The following IMMP2L variants were observed in gnomAD, a reference collection of about 807,000 sequenced individuals.
IMMP2L encodes mitochondrial inner membrane protease subunit 2.
In IMMP2L, 18 loss-of-function variants were observed where a neutral mutation model predicts 19.3. That is an observed-to-expected ratio of 0.93 (90% confidence interval 0.64 to 1.38). IMMP2L has a LOEUF of 1.38. Among genes scored for constraint, IMMP2L ranks in the 40% most tolerant of loss-of-function variants. The pLI, the probability that IMMP2L is intolerant of heterozygous loss-of-function variation, is 0.00. For synonymous variants in IMMP2L, 76 were observed against 73.0 expected, an observed-to-expected ratio of 1.04 and a Z score of -0.21; for missense variants, 233 against 218.2, an observed-to-expected ratio of 1.07 and a Z score of -0.43.
chr7:111,008,523 C>T (rs1824552237), intron 3 of IMMP2L, among the ~76,000 whole-genome samples: 1 of 151,964 alleles, frequency 6.6e-6, no homozygotes, highest in Non-Finnish European at 1.5e-5. Context: ...TAGCCACCTC[C>T]TATCCCTCTT....
In IMMP2L at chr7:110,924,997, T is replaced by C. The variant is rs926029683; in HGVS notation, c.306-38302A>G. 6.6e-6 allele frequency among the ~76,000 whole-genome samples: 1 copy of C among 152,136 alleles called. No homozygotes were observed. The highest frequency in any genetic ancestry group is 2.4e-5 in the African/African-American group (1 of 41,432). Reference sequence around the variant, plus strand: ...TTCATAGTTATGCATGATAAGGGAATAAAAAGGAGTATGATGAAGAAAGAT... The same window carrying C: ...TTCATAGTTATGCATGATAAGGGAACAAAAAGGAGTATGATGAAGAAAGAT... On this transcript the variant is annotated intron_variant, in intron 4 of 5. Coordinates refer to ENST00000405709, the MANE Select transcript of IMMP2L (RefSeq NM_032549.4). The surrounding 1 kb of genome is among the most constrained non-coding windows in gnomAD (Gnocchi z 4.2).
chr7:111,487,199 AT>A, intron 3 of IMMP2L, 38 bp downstream of exon 3: 1 of 923,350 alleles, frequency 1.1e-6, no homozygotes, highest in Non-Finnish European at 1.7e-6. Context: ...AGTATAAATA[AT>A]TTTATATACA....
chr7:111,209,754 G>C (rs1811114924), intron 3 of IMMP2L, among the ~76,000 whole-genome samples: 1 of 152,126 alleles, frequency 6.6e-6, no homozygotes, highest in African/African-American at 2.4e-5. Context: ...ACTCTTCTTT[G>C]TTACTCTTTA....
chr7:110,671,768 T>C (rs1333945143), intron 5 of IMMP2L, among the ~76,000 whole-genome samples: 3 of 152,074 alleles, frequency 2.0e-5, no homozygotes, highest in African/African-American at 7.2e-5. Flanking sequence ...GGGAAAGGCT[T>C]GCAAGGACAA....
intron 3 of IMMP2L, among the ~76,000 whole-genome samples, chr7:111,149,116 A>T (rs1803801663): frequency 6.6e-6 from 1 of 152,206 alleles, no homozygotes; most frequent in Non-Finnish European, 1.5e-5. Context: ...TGTTGAAGAC[A>T]TCACAAATAT....
chr7:111,202,826 A>G (rs1810291646), intron 3 of IMMP2L, among the ~76,000 whole-genome samples: 1 of 152,208 alleles, frequency 6.6e-6, no homozygotes, highest in South Asian at 2.1e-4. Context: ...GATGTTAGGA[A>G]TTTGTAGAGA....
chr7:111,421,394 C>G (rs1210989142), intron 3 of IMMP2L, among the ~76,000 whole-genome samples: 1 of 150,584 alleles, frequency 6.6e-6, no homozygotes, highest in Admixed American at 6.6e-5. Flanking sequence ...CTCAGCCTCC[C>G]GAGTAGCTGG....
At chr7:110,908,417 T>A (rs1455423170) in intron 4 of IMMP2L, among the ~76,000 whole-genome samples, 1 of 152,212 alleles carries the variant, frequency 6.6e-6, no homozygotes, top group Non-Finnish European at 1.5e-5. Context: ...AAACTCTGTA[T>A]AACAAAGTTG....
intron 5 of IMMP2L, among the ~76,000 whole-genome samples, chr7:110,695,427 A>T (rs1379281946): frequency 6.6e-6 from 1 of 152,082 alleles, no homozygotes; most frequent in Non-Finnish European, 1.5e-5. Flanking sequence ...CCTGGGCTCA[A>T]GCAATCCTCC....
intron 3 of IMMP2L, among the ~76,000 whole-genome samples, chr7:111,475,546 G>A (rs1422112123): frequency 6.6e-6 from 1 of 151,978 alleles, no homozygotes; most frequent in East Asian, 1.9e-4. Context: ...ATAGACTATG[G>A]TATCTTTATT....
At chr7:111,185,581 A>C (rs906236661) in intron 3 of IMMP2L, among the ~76,000 whole-genome samples, 1 of 152,186 alleles carries the variant, frequency 6.6e-6, no homozygotes. Context: ...TATGTAAACA[A>C]AAATTACTGA....
At chr7:110,748,286 T>C (rs1797493026) in intron 5 of IMMP2L, among the ~76,000 whole-genome samples, 1 of 152,176 alleles carries the variant, frequency 6.6e-6, no homozygotes, top group Admixed American at 6.5e-5. Flanking sequence ...TGCTCATGGA[T>C]AGGAAGAATC....
In IMMP2L at chr7:111,124,225, G is replaced by A. The variant is rs751239044; in HGVS notation, c.240-160660C>T. On this transcript the variant is annotated intron_variant, in intron 3 of 5. Transcript: ENST00000405709. The stretch of plus-strand genomic sequence containing the variant: ...TTCTGAGGGAACACTAGATATAAAT[G>A]GCGTAACTCCCAAAGAAGGGGGTTT... The A allele has an allele frequency of 1.4e-5, 22 of 1,613,818 alleles. No homozygotes were observed. The highest frequency in any genetic ancestry group is 1.9e-5 in the Non-Finnish European group (22 of 1,179,960).
intron 5 of IMMP2L, among the ~76,000 whole-genome samples, chr7:110,846,763 T>G (rs976509711): frequency 1.3e-5 from 2 of 152,182 alleles, no homozygotes; most frequent in Non-Finnish European, 2.9e-5. Context: ...AATAAGGACA[T>G]AGACATTCTT....
intron 5 of IMMP2L, among the ~76,000 whole-genome samples, chr7:110,747,787 A>G (rs1334525121): frequency 6.6e-6 from 1 of 152,220 alleles, no homozygotes; most frequent in African/African-American, 2.4e-5. Context: ...CTGACAGCCA[A>G]TATCATACTG....
At chr7:111,438,253 T>C (rs1396243740) in intron 3 of IMMP2L, among the ~76,000 whole-genome samples, 2 of 151,632 alleles carry the variant, frequency 1.3e-5, no homozygotes, top group African/African-American at 4.9e-5. Context: ...TAAAATAACA[T>C]GCTGACAGTC....
chr7:111,159,413 C>T (rs1254140110), intron 3 of IMMP2L, among the ~76,000 whole-genome samples: 1 of 152,092 alleles, frequency 6.6e-6, no homozygotes, highest in Non-Finnish European at 1.5e-5. Flanking sequence ...CACGCCTGTC[C>T]TCAGGTCGAT....
intron 3 of IMMP2L, among the ~76,000 whole-genome samples, chr7:111,061,442 C>T (rs772323303): frequency 5.9e-5 from 9 of 152,188 alleles, no homozygotes; most frequent in East Asian, 5.8e-4. Context: ...CTGGAAATGA[C>T]GAAGGGGTGA....
At chr7:111,478,855 T>C (rs1841942204) in intron 3 of IMMP2L, among the ~76,000 whole-genome samples, 1 of 152,174 alleles carries the variant, frequency 6.6e-6, no homozygotes, top group East Asian at 1.9e-4. Flanking sequence ...TATAATTTTT[T>C]ATTAAATGCC....
Sources: gnomAD v4.1 joint callset for allele counts (sites outside exome capture counted in the v4.1 genomes callset) on GRCh38, gnomAD v4.1.1 for gene constraint, Gnocchi (gnomAD v3.1) non-coding constraint, MANE v1.5 for transcripts, NCBI Gene and HGNC (gene_info 2026-07-23, HGNC 2026-07-21) for gene names.